The following NDRG4 variants were observed in gnomAD, a reference collection of about 807,000 sequenced individuals.
The protein encoded by NDRG4 is NDRG family member 4, also known as protein NDRG4.
NDRG4 carries 38 observed loss-of-function variants against 55.8 expected under a neutral mutation model. The ratio of observed to expected loss-of-function variants is 0.68; its 90% CI spans 0.53 to 0.89. The LOEUF is 0.89. Ranked by LOEUF, NDRG4 falls within the 40% of genes least tolerant of loss-of-function variation. The probability of loss-of-function intolerance (pLI) is 0.00; values close to 1 mark genes in which losing one functional copy is unlikely to be tolerated. For missense variants in NDRG4, 455 were observed against 468.6 expected (o/e 0.97, Z 0.27); for synonymous variants, 190 against 182.7 (o/e 1.04, Z -0.32).
rs2031179075 is a variant in NDRG4 at position 58,464,485 on chromosome 16, C to T, written c.-24+688C>T. On this transcript the variant is annotated intron_variant, in intron 1 of 15. Coordinates refer to the NDRG4 transcript ENST00000258187. The surrounding 1 kb of genome is among the most constrained non-coding windows in gnomAD (Gnocchi z 4.8). Reference sequence around the variant, plus strand: ...GCTCACAGGTACCGCCCGCCTGCCCCGCAGCCGGCCGCCACTTTCCGAGTT... The same window carrying T: ...GCTCACAGGTACCGCCCGCCTGCCCTGCAGCCGGCCGCCACTTTCCGAGTT... 3.8e-6 allele frequency: 5 copies of T among 1,310,994 alleles called. No homozygotes were observed. Among genetic ancestry groups the T allele is most frequent in the South Asian group, 2.2e-5 (1 of 45,380 alleles). The allele number at this position is 1,310,994 out of a possible 1,614,324, so 81.2% of individuals were successfully genotyped here.
At chr16:58,506,091 T>G in intron 5 of NDRG4, 1 of 571,138 alleles carries the variant, frequency 1.8e-6, no homozygotes, top group South Asian at 1.8e-5. Context: ...TACTCAATTT[T>G]GCACTTCAAA....
intron 1 of NDRG4, among the ~76,000 whole-genome samples, chr16:58,481,284 C>T (rs2034357734): frequency 6.6e-6 from 1 of 152,100 alleles, no homozygotes; most frequent in Non-Finnish European, 1.5e-5. Context: ...ATATTGCTCC[C>T]ATTGTAGGGA....
At chr16:58,475,129 T>A (rs888258316) in intron 1 of NDRG4, among the ~76,000 whole-genome samples, 1 of 152,244 alleles carries the variant, frequency 6.6e-6, no homozygotes, top group Non-Finnish European at 1.5e-5. Context: ...TCAGTTTACC[T>A]GTTTGAATCT....
At chr16:58,507,522 C>A in intron 8 of NDRG4, 1 of 493,634 alleles carries the variant, frequency 2.0e-6, no homozygotes, top group Non-Finnish European at 3.6e-6. Context: ...ATAGAGAGAC[C>A]CAGGGCCTGC....
Position 58,511,410 on chromosome 16 carries a change from C to A in NDRG4, c.905-12C>A. The A allele has an allele frequency of 6.3e-7, 1 of 1,596,760 alleles. No homozygotes were observed. The highest frequency in any genetic ancestry group is 1.1e-5 in the South Asian group (1 of 89,620). On this transcript the variant is annotated splice_polypyrimidine_tract_variant and intron_variant, in intron 14 of 14. Transcript: ENST00000570248. ...CCGCCAGTCCTCAGGCCCATCCTGT[C>A]TCTGTCCACAGTGCCCTCAGCCAGC...
chr16:58,504,607 C>T lies in NDRG4; in HGVS notation c.330C>T (p.Gly110=), dbSNP rs773273401. The T allele has an allele frequency of 1.2e-6, 2 of 1,614,162 alleles. No homozygotes were observed. The highest frequency in any genetic ancestry group is 2.2e-5 in the South Asian group (2 of 91,086). The part of the protein sequence containing the change: ...VQHFGFKYVI[G]IGVGAGAYVL... Reference sequence around the variant, plus strand: ...GCACCAGGTTCAAGTATGTGATTGGCATCGGAGTGGGCGCCGGAGCCTATG... The same window carrying T: ...GCACCAGGTTCAAGTATGTGATTGGTATCGGAGTGGGCGCCGGAGCCTATG... Residue 110 remains glycine, a synonymous_variant, in exon 5 of 15, where the codon GGC becomes GGT. Coordinates refer to ENST00000570248, the MANE Select transcript of NDRG4 (RefSeq NM_001242835.2).
intron 1 of NDRG4, among the ~76,000 whole-genome samples, chr16:58,485,393 C>T (rs1444486323): frequency 6.6e-6 from 1 of 152,158 alleles, no homozygotes; most frequent in African/African-American, 2.4e-5. Flanking sequence ...CCTGCACTGC[C>T]CACTCTCAGC....
chr16:58,506,508 C>G, intron 6 of NDRG4, 35 bp downstream of exon 6: 2 of 1,590,614 alleles, frequency 1.3e-6, no homozygotes, highest in East Asian at 2.2e-5. Flanking sequence ...GTGGGTATAC[C>G]TAGGGTGGGG....
chr16:58,500,948 G>T, intron 1 of NDRG4: 1 of 1,194,136 alleles, frequency 8.4e-7, no homozygotes, highest in Non-Finnish European at 1.1e-6. Flanking sequence ...CCCTGCTGGG[G>T]AGGAACGAGG....
chr16:58,477,794 A>G (rs973695480), intron 1 of NDRG4, among the ~76,000 whole-genome samples: 3 of 152,148 alleles, frequency 2.0e-5, no homozygotes, highest in Non-Finnish European at 4.4e-5. Context: ...GGGGTGGGGA[A>G]GTATGATGAG....
chr16:58,504,503 T>G, intron 4 of NDRG4, 82 bp downstream of exon 4: 1 of 1,611,708 alleles, frequency 6.2e-7, no homozygotes, highest in Non-Finnish European at 8.5e-7. Context: ...GCTGAGGGCT[T>G]CAGGCTATGG....
At chr16:58,465,575 G>T (rs1450404679) in intron 1 of NDRG4, among the ~76,000 whole-genome samples, 1 of 139,348 alleles carries the variant, frequency 7.2e-6, no homozygotes, top group African/African-American at 2.6e-5. Flanking sequence ...GAAGGTGGGG[G>T]TGGGGTACGT....
At chr16:58,494,608 A>C (rs2151732115) in intron 2 of NDRG4, among the ~76,000 whole-genome samples, 1 of 152,320 alleles carries the variant, frequency 6.6e-6, no homozygotes, top group South Asian at 2.1e-4. Context: ...ACGCTCCTCC[A>C]CCAAGTACTT....
intron 1 of NDRG4, among the ~76,000 whole-genome samples, chr16:58,479,372 G>A (rs2034121621): frequency 6.6e-6 from 1 of 152,162 alleles, no homozygotes; most frequent in South Asian, 2.1e-4. Flanking sequence ...TGCTCACTGA[G>A]GTGGTTTCCA....
In NDRG4 at chr16:58,504,440, C is replaced by T; in HGVS notation, c.311+19C>T. ...ATTTCGGGTGAGTCCCCGCACAGCC[C>T]CTGCGCTAGGGCCCAGGGGTGCCTA... On this transcript the variant is annotated intron_variant, in intron 4 of 14. Coordinates refer to ENST00000570248, the MANE Select transcript of NDRG4 (RefSeq NM_001242835.2). The T allele has an allele frequency of 6.2e-7, 1 of 1,612,556 alleles. No homozygotes were observed. The highest frequency in any genetic ancestry group is 8.5e-7 in the Non-Finnish European group (1 of 1,179,988).
Position 58,464,409 on chromosome 16 carries a change from C to A in NDRG4, c.-24+612C>A. ...GCTGCCCCGACGCCGCCACCCAGAG[C>A]CGGGCCGCGCCGGGCGCCGAGATGA... On this transcript the variant is annotated intron_variant, in intron 1 of 15. Transcript: ENST00000258187. The surrounding 1 kb of genome is among the most constrained non-coding windows in gnomAD (Gnocchi z 4.8). 1 of 1,365,954 alleles carries A rather than the reference C, an allele frequency of 7.3e-7. No individual in the cohort carries two copies. The highest frequency in any genetic ancestry group is 9.4e-7 in the Non-Finnish European group (1 of 1,062,452). 84.6% of individuals were successfully genotyped at this position (1,365,954 alleles called of 1,614,324 possible). A position where few individuals can be genotyped will look rare whatever the true frequency, so the allele number is the denominator to read the frequency against.
chr16:58,512,311 C>G lies in NDRG4; in HGVS notation c.*735C>G, dbSNP rs2038896270. 5.7e-6 allele frequency: 2 copies of G among 350,772 alleles called. No homozygotes were observed. Among genetic ancestry groups the G allele is most frequent in the African/African-American group, 4.3e-5 (2 of 46,032 alleles). The allele number at this position is 350,772 out of a possible 1,614,324, so 21.7% of individuals were successfully genotyped here. On this transcript the variant is annotated 3_prime_UTR_variant, in exon 15 of 15. Coordinates refer to ENST00000570248, the MANE Select transcript of NDRG4 (RefSeq NM_001242835.2). ...TCCCCGAGGCAGAAGTTGCCTGGTC[C>G]TCTGTCCCCACAGTGACCTGACTGG... is the stretch of plus-strand genomic sequence containing the variant.
At chr16:58,500,692 C>T (rs2036966618) in intron 1 of NDRG4, 3 of 419,368 alleles carry the variant, frequency 7.2e-6, no homozygotes, top group African/African-American at 2.1e-5. Flanking sequence ...GGCCAGGGGG[C>T]GGGGGTGTCC....
Position 58,511,530 on chromosome 16 carries a change from G to A in NDRG4, c.1013G>A (p.Ser338Asn). 1 of 1,613,074 alleles carries A rather than the reference G, an allele frequency of 6.2e-7. No individual in the cohort carries two copies. The highest frequency in any genetic ancestry group is 8.5e-7 in the Non-Finnish European group (1 of 1,179,978). Residue 338 changes from serine to asparagine, a missense_variant, in exon 15 of 15, where the codon AGC (serine) becomes AAC (asparagine). Transcript: ENST00000570248. ...RPQACTHSES[S>N]EGLGQVNHTM... The stretch of plus-strand genomic sequence containing the variant: ...CAGGCCTGCACCCACTCAGAGAGCA[G>A]CGAGGGGCTGGGCCAGGTCAACCAC...
Sources: allele counts gnomAD v4.1 joint callset (sites outside exome capture counted in the v4.1 genomes callset), GRCh38; gene constraint gnomAD v4.1.1; non-coding constraint Gnocchi (gnomAD v3.1); transcripts MANE v1.5; gene names NCBI Gene and HGNC (gene_info 2026-07-23, HGNC 2026-07-21).